The following TRDN variants were observed in gnomAD, a reference collection of about 807,000 sequenced individuals.
The protein encoded by TRDN is triadin.
TRDN carries 161 observed loss-of-function variants against 149.7 expected under a neutral mutation model. The observed-to-expected ratio is 1.08, with a 90% CI of 0.95 to 1.23. TRDN has a LOEUF of 1.23. Among genes scored for constraint, TRDN ranks in the 50% most tolerant of loss-of-function variants. TRDN has a pLI of 0.00. For synonymous variants in TRDN, 294 were observed against 250.5 expected (o/e 1.17, Z -1.64); for missense variants, 896 against 823.5 (o/e 1.09, Z -1.08).
chr6:123,300,556 A>C (rs987046794), intron 24 of TRDN, among the ~76,000 whole-genome samples: 2 of 151,900 alleles, frequency 1.3e-5, no homozygotes, highest in African/African-American at 4.8e-5. Context: ...CCTGTCATAG[A>C]CTGGTTCGGA....
intron 12 of TRDN, among the ~76,000 whole-genome samples, chr6:123,422,547 G>T (rs1007739522): frequency 7.2e-5 from 11 of 152,088 alleles, no homozygotes; most frequent in African/African-American, 2.7e-4. Flanking sequence ...GGAATTCCAA[G>T]AAAAGCAATC....
intron 1 of TRDN, among the ~76,000 whole-genome samples, chr6:123,603,410 T>C (rs1007982683): frequency 6.6e-6 from 1 of 152,124 alleles, no homozygotes; most frequent in Non-Finnish European, 1.5e-5. Flanking sequence ...ACTCTTTTTT[T>C]TTCTGTATTG....
At chr6:123,598,676 T>G (rs1252470407) in intron 1 of TRDN, among the ~76,000 whole-genome samples, 1 of 152,228 alleles carries the variant, frequency 6.6e-6, no homozygotes, top group Middle Eastern at 3.4e-3. Flanking sequence ...TTGCATTTTG[T>G]CTATTGTCTA....
chr6:123,567,064 C>T (rs971841246), intron 2 of TRDN, among the ~76,000 whole-genome samples: 1 of 152,140 alleles, frequency 6.6e-6, no homozygotes, highest in Non-Finnish European at 1.5e-5. Context: ...ATGGGCAATG[C>T]CTATGTTACT....
intron 1 of TRDN, among the ~76,000 whole-genome samples, chr6:123,598,669 C>T (rs1481150427): frequency 6.6e-6 from 1 of 152,012 alleles, no homozygotes; most frequent in Non-Finnish European, 1.5e-5. Context: ...TTTCATATTG[C>T]ATTTTGTCTA....
At chr6:123,575,886 C>G (rs574378425) in intron 1 of TRDN, among the ~76,000 whole-genome samples, 153 of 152,172 alleles carry the variant, frequency 1.0e-3, no homozygotes, top group African/African-American at 3.6e-3. Flanking sequence ...CTGTGGGACG[C>G]TGACAATACA....
At chr6:123,343,172 A>AT (rs34548343) in intron 21 of TRDN, among the ~76,000 whole-genome samples, 2 of 151,764 alleles carry the variant, frequency 1.3e-5, no homozygotes, top group African/African-American at 2.4e-5. Flanking sequence ...CTCACATTTT[A>AT]TTTTTTTTGT....
chr6:123,301,774 T>C lies in TRDN; in HGVS notation c.1510+14683A>G, dbSNP rs920252141. On this transcript the variant is annotated intron_variant, in intron 24 of 40. Transcript: ENST00000334268. ...ATACATATATATATATATATACATA[T>C]ATATATATATATACATAAATGAAAA... Among the ~76,000 whole-genome samples, 27 of 138,658 alleles carry C rather than the reference T, an allele frequency of 1.9e-4. No individual in the cohort carries two copies. In the South Asian group the frequency reaches 3.3e-3, roughly 17 times the overall value. The allele number at this position is 138,658 out of a possible 152,430, so 91.0% of individuals were successfully genotyped here.
At chr6:123,446,953 A>G (rs1005772270) in intron 10 of TRDN, among the ~76,000 whole-genome samples, 1 of 151,870 alleles carries the variant, frequency 6.6e-6, no homozygotes, top group Non-Finnish European at 1.5e-5. Flanking sequence ...TTTATTTGGG[A>G]CTCTGGAAGG....
At chr6:123,535,615 T>C (rs1340507447) in intron 4 of TRDN, among the ~76,000 whole-genome samples, 1 of 152,190 alleles carries the variant, frequency 6.6e-6, no homozygotes. Flanking sequence ...CTTTCATGGT[T>C]TATCATTCAA....
At chr6:123,589,056 G>C (rs1355441551) in intron 1 of TRDN, among the ~76,000 whole-genome samples, 1 of 152,204 alleles carries the variant, frequency 6.6e-6, no homozygotes, top group South Asian at 2.1e-4. Flanking sequence ...AATTTGACAG[G>C]TTGAATCAGT....
intron 12 of TRDN, among the ~76,000 whole-genome samples, chr6:123,420,577 T>C (rs1309182815): frequency 6.6e-6 from 1 of 152,172 alleles, no homozygotes. Context: ...ATGACCACAG[T>C]GAGCAAAAGT....
intron 24 of TRDN, among the ~76,000 whole-genome samples, chr6:123,304,252 C>CTTTTTT (rs71649806): frequency 7.8e-6 from 1 of 128,956 alleles, no homozygotes; most frequent in African/African-American, 2.8e-5. Context: ...CTTTTATTTT[C>CTTTTTT]TTTTTTTTTT....
At chr6:123,481,993 C>T (rs1053674072) in intron 9 of TRDN, among the ~76,000 whole-genome samples, 4 of 152,168 alleles carry the variant, frequency 2.6e-5, no homozygotes, top group African/African-American at 9.6e-5. Flanking sequence ...TATTTCCATA[C>T]TACTTGATAT....
At chr6:123,565,797 C>G (rs968657838) in intron 2 of TRDN, among the ~76,000 whole-genome samples, 1 of 152,190 alleles carries the variant, frequency 6.6e-6, no homozygotes, top group Non-Finnish European at 1.5e-5. Flanking sequence ...GCCAGGTGCG[C>G]GTGCAGTTCC....
chr6:123,316,129 C>T (rs1779012528), intron 24 of TRDN, among the ~76,000 whole-genome samples: 1 of 151,792 alleles, frequency 6.6e-6, no homozygotes, highest in South Asian at 2.1e-4. Flanking sequence ...GAGCCTCTGA[C>T]ATTTAAGGTG....
chr6:123,490,567 C>T (rs941832561), intron 9 of TRDN, among the ~76,000 whole-genome samples: 1 of 152,164 alleles, frequency 6.6e-6, no homozygotes, highest in Non-Finnish European at 1.5e-5. Flanking sequence ...GTATTCTCAT[C>T]TAGTTAGCCC....
intron 7 of TRDN, among the ~76,000 whole-genome samples, chr6:123,504,527 A>G (rs895976752): frequency 1.3e-5 from 2 of 152,192 alleles, no homozygotes; most frequent in Non-Finnish European, 2.9e-5. Context: ...GAAAGTGAAG[A>G]AATTCAGATA....
intron 14 of TRDN, among the ~76,000 whole-genome samples, chr6:123,386,236 G>T (rs1192504570): frequency 6.6e-6 from 1 of 152,138 alleles, no homozygotes; most frequent in Non-Finnish European, 1.5e-5. Flanking sequence ...GATACAAATG[G>T]AAGATTATAC....
Sources: allele counts gnomAD v4.1 joint callset (sites outside exome capture counted in the v4.1 genomes callset), GRCh38; gene constraint gnomAD v4.1.1; transcripts MANE v1.5; gene names NCBI Gene and HGNC (gene_info 2026-07-23, HGNC 2026-07-21).